The following PLCB1 variants were observed in gnomAD, a reference collection of about 807,000 sequenced individuals.
The protein encoded by PLCB1 is 1-phosphatidylinositol 4,5-bisphosphate phosphodiesterase beta-1.
PLCB1 carries 46 observed loss-of-function variants against 161.8 expected under a neutral mutation model. The ratio of observed to expected loss-of-function variants is 0.28; its 90% CI spans 0.22 to 0.36. PLCB1 has a LOEUF of 0.36. Among genes scored for constraint, PLCB1 ranks in the 10% least tolerant of loss-of-function variants. The probability of loss-of-function intolerance (pLI) is 1.00; values close to 1 mark genes in which losing one functional copy is unlikely to be tolerated. For missense variants in PLCB1, 1,016 were observed against 1,472.5 expected (o/e 0.69, Z 5.07); for synonymous variants, 517 against 503.7 (o/e 1.03, Z -0.35).
At chr20:8,238,884 C>A (rs1435206393) in intron 2 of PLCB1, among the ~76,000 whole-genome samples, 1 of 151,328 alleles carries the variant, frequency 6.6e-6, no homozygotes, top group African/African-American at 2.4e-5. Flanking sequence ...AGACATCAGA[C>A]CCCGAGAAGC....
At chr20:8,495,786 C>T (rs1261088257) in intron 3 of PLCB1, among the ~76,000 whole-genome samples, 1 of 152,112 alleles carries the variant, frequency 6.6e-6, no homozygotes, top group Non-Finnish European at 1.5e-5. Flanking sequence ...CCTTTTCCTA[C>T]CGTGGGGCCT....
chr20:8,312,561 A>G (rs1984455476), intron 2 of PLCB1, among the ~76,000 whole-genome samples: 1 of 152,280 alleles, frequency 6.6e-6, no homozygotes, highest in South Asian at 2.1e-4. Flanking sequence ...AAGCTACTGC[A>G]TGCGGTGCTT....
intron 3 of PLCB1, among the ~76,000 whole-genome samples, chr20:8,626,656 T>G (rs1268403066): frequency 1.3e-5 from 2 of 152,194 alleles, no homozygotes; most frequent in African/African-American, 4.8e-5. Flanking sequence ...AGTAAATATA[T>G]TGATGGACTC....
intron 3 of PLCB1, among the ~76,000 whole-genome samples, chr20:8,577,204 C>T (rs561539769): frequency 5.3e-5 from 8 of 150,634 alleles, no homozygotes; most frequent in Admixed American, 1.3e-4. Context: ...CTGAGGCGGG[C>T]GGATCACGAG....
chr20:8,539,684 CT>C (rs1187593346), intron 3 of PLCB1, among the ~76,000 whole-genome samples: 1 of 39,536 alleles, frequency 2.5e-5, no homozygotes, highest in African/African-American at 8.0e-5. Context: ...TTCTTTCTTT[CT>C]TTTTCTTTTT....
rs549757471 is a variant in PLCB1 at position 8,603,433 on chromosome 20, G to A, written c.247-24861G>A. 1.5e-4 allele frequency among the ~76,000 whole-genome samples: 23 copies of A among 152,286 alleles called. No homozygotes were observed. In the South Asian group the frequency reaches 4.1e-3, roughly 27 times the overall value. On this transcript the variant is annotated intron_variant, in intron 3 of 31. Transcript: ENST00000338037. The stretch of plus-strand genomic sequence containing the variant: ...AAACGACCTTTCTGGTAATCCCAGC[G>A]TGTGGGTTTTAGCATCACCAGCTGG...
chr20:8,473,936 AC>A (rs1157521096), intron 3 of PLCB1, among the ~76,000 whole-genome samples: 5 of 152,210 alleles, frequency 3.3e-5, no homozygotes, highest in Non-Finnish European at 1.5e-5. Flanking sequence ...AGAAGTGATC[AC>A]ATGCTCCAGA....
intron 2 of PLCB1, among the ~76,000 whole-genome samples, chr20:8,341,173 A>G (rs1985795861): frequency 6.6e-6 from 1 of 152,064 alleles, no homozygotes; most frequent in Non-Finnish European, 1.5e-5. Context: ...TCTGGTTAGT[A>G]CTTCCTCATC....
At chr20:8,844,565 G>C (rs759981316) in intron 31 of PLCB1, among the ~76,000 whole-genome samples, 1 of 152,072 alleles carries the variant, frequency 6.6e-6, no homozygotes, top group Non-Finnish European at 1.5e-5. Context: ...GGGTAACAAA[G>C]TGAGACCTGG....
At chr20:8,628,190 G>A in intron 3 of PLCB1, 104 bp from the exon 4 acceptor site, 1 of 918,722 alleles carries the variant, frequency 1.1e-6, no homozygotes, top group Non-Finnish European at 1.7e-6. Context: ...AAGAATAAAA[G>A]CAACTTTGTT....
At chr20:8,523,047 G>A (rs1014419481) in intron 3 of PLCB1, among the ~76,000 whole-genome samples, 3 of 152,074 alleles carry the variant, frequency 2.0e-5, no homozygotes, top group East Asian at 1.9e-4. Context: ...CAATGGAATC[G>A]GCAGTTGAGG....
chr20:8,798,258 G>C (rs964924657), intron 31 of PLCB1, among the ~76,000 whole-genome samples: 1 of 151,612 alleles, frequency 6.6e-6, no homozygotes, highest in African/African-American at 2.4e-5. Context: ...TGGAAAGGAT[G>C]GTCCAAATAA....
At chr20:8,332,676 A>G (rs778980620) in intron 2 of PLCB1, among the ~76,000 whole-genome samples, 1 of 152,198 alleles carries the variant, frequency 6.6e-6, no homozygotes, top group Non-Finnish European at 1.5e-5. Flanking sequence ...GACTCTAGTG[A>G]CAGTGCTTAT....
At chr20:8,566,415 G>A (rs6055905) in intron 3 of PLCB1, among the ~76,000 whole-genome samples, 15,020 of 152,116 alleles carry the variant, frequency 0.099, 959 homozygotes, top group East Asian at 0.16. Flanking sequence ...CTTCAAAGTC[G>A]AACAGAGCTG....
At chr20:8,543,620 C>CAGAAAAA (rs1702579458) in intron 3 of PLCB1, among the ~76,000 whole-genome samples, 1 of 129,574 alleles carries the variant, frequency 7.7e-6, no homozygotes, top group Non-Finnish European at 1.6e-5. Context: ...CAAAGAGTTC[C>CAGAAAAA]AAAAAAAAAA....
chr20:8,273,230 A>G (rs565950171), intron 2 of PLCB1, among the ~76,000 whole-genome samples: 1 of 152,206 alleles, frequency 6.6e-6, no homozygotes, highest in Non-Finnish European at 1.5e-5. Flanking sequence ...CTATATTTAA[A>G]GGCTTTCAGC....
At chr20:8,594,056 A>AT (rs1467149896) in intron 3 of PLCB1, among the ~76,000 whole-genome samples, 2 of 151,840 alleles carry the variant, frequency 1.3e-5, no homozygotes, top group Non-Finnish European at 2.9e-5. Flanking sequence ...AGTTAATTTA[A>AT]TTTTTTGTTA....
intron 3 of PLCB1, among the ~76,000 whole-genome samples, chr20:8,555,167 G>C (rs116959909): frequency 6.6e-6 from 1 of 151,876 alleles, no homozygotes; most frequent in African/African-American, 2.4e-5. Context: ...CAGTGTTTTC[G>C]TGGAGAAATG....
intron 9 of PLCB1, among the ~76,000 whole-genome samples, chr20:8,672,272 A>C (rs994940455): frequency 6.6e-6 from 1 of 152,226 alleles, no homozygotes; most frequent in African/African-American, 2.4e-5. Context: ...TGTGAGGATA[A>C]AATGAGTTAA....
Sources: allele counts gnomAD v4.1 joint callset (sites outside exome capture counted in the v4.1 genomes callset), GRCh38; gene constraint gnomAD v4.1.1; transcripts MANE v1.5; gene names NCBI Gene and HGNC (gene_info 2026-07-23, HGNC 2026-07-21).